The following CEP55 variants were observed in gnomAD, a reference collection of about 807,000 sequenced individuals.
CEP55 encodes centrosomal protein 55, also known as centrosomal protein of 55 kDa.
Under a neutral mutation model 63.2 loss-of-function variants are expected in CEP55, and 57 were observed. The ratio of observed to expected loss-of-function variants is 0.90; its 90% CI spans 0.73 to 1.13. The LOEUF (loss-of-function observed/expected upper bound fraction) is 1.13, where lower values mean the gene tolerates loss of function less well. Among genes scored for constraint, CEP55 ranks in the 50% most tolerant of loss-of-function variants. The pLI, the probability that CEP55 is intolerant of heterozygous loss-of-function variation, is 0.00. For synonymous variants in CEP55, 178 were observed against 191.6 expected (o/e 0.93, Z 0.59); for missense variants, 456 against 518.9 (o/e 0.88, Z 1.18).
rs575375896 is a variant in CEP55 at position 93,523,567 on chromosome 10, C to T, written c.1191+3760C>T. 5.1e-4 allele frequency among the ~76,000 whole-genome samples: 77 copies of T among 152,296 alleles called. No homozygotes were observed. The East Asian group carries it at 0.014, about 28-fold the overall frequency. On this transcript the variant is annotated intron_variant, in intron 8 of 8. Transcript: ENST00000371485. ...TTAACAAGGATATCCAGGAATTGAA[C>T]TCAGCTCTGCACCAAGCGGACCTAA... is the stretch of plus-strand genomic sequence containing the variant.
At chr10:93,523,427 A>G (rs1168704497) in intron 8 of CEP55, among the ~76,000 whole-genome samples, 1 of 152,224 alleles carries the variant, frequency 6.6e-6, no homozygotes, top group African/African-American at 2.4e-5. Flanking sequence ...AGGAGCACCC[A>G]GATTCATAAA....
intron 3 of CEP55, among the ~76,000 whole-genome samples, chr10:93,504,148 A>C (rs1239254437): frequency 1.3e-5 from 2 of 152,040 alleles, no homozygotes; most frequent in Non-Finnish European, 2.9e-5. Flanking sequence ...ATTCTTTTGG[A>C]GATTTGGAGA....
chr10:93,500,558 T>C (rs11187473), intron 2 of CEP55, among the ~76,000 whole-genome samples: 79,268 of 151,548 alleles, frequency 0.52, 22,848 homozygotes, highest in Non-Finnish European at 0.65. Context: ...TCACCTTTAG[T>C]ATGCTCTGTT....
rs2134490976 is a variant in CEP55 at position 93,519,799 on chromosome 10, G to A, written c.1183G>A (p.Glu395Lys). ...RKARNQITQL[E>K]SLKQLHEFAI... ...AGCAAGAAATCAAATAACACAGTTGGAATCCTTGGTGAGTCTGGAATGATT... is the reference window on the plus strand; with the variant it reads ...AGCAAGAAATCAAATAACACAGTTGAAATCCTTGGTGAGTCTGGAATGATT... Residue 395 changes from glutamate to lysine, a missense_variant, in exon 8 of 9, where the codon GAA becomes AAA. By Grantham distance (56) the Glu-to-Lys change is moderately conservative (BLOSUM62 1). Transcript: ENST00000371485. 1 of 1,614,076 alleles carries A rather than the reference G, an allele frequency of 6.2e-7. No individual in the cohort carries two copies. The highest frequency in any genetic ancestry group is 8.5e-7 in the Non-Finnish European group (1 of 1,180,018).
chr10:93,515,416 A>G lies in CEP55; in HGVS notation c.540A>G (p.Lys180=). The G allele has an allele frequency of 3.1e-6, 5 of 1,595,154 alleles. No individual in the cohort carries two copies. Among genetic ancestry groups the G allele is most frequent in the African/African-American group, 1.3e-5 (1 of 74,510 alleles). ...MEIQLKDALE[K]NQQWLVYDQQ... is the part of the protein sequence containing the mutation. ...ATCTTCCCATTAAGGCTCTGGAGAA[A>G]AATCAGCAGTGGCTCGTGTATGATC... The change falls in exon 5 of 9, where the codon AAA becomes AAG. Residue 180 remains lysine (K), a synonymous_variant. Coordinates refer to ENST00000371485, the MANE Select transcript of CEP55 (RefSeq NM_018131.5).
chr10:93,503,051 A>G (rs2057649937), intron 2 of CEP55, 62 bp from the exon 3 acceptor site: 3 of 1,400,310 alleles, frequency 2.1e-6, no homozygotes, highest in Non-Finnish European at 2.0e-6. Flanking sequence ...GTTGAAGTAT[A>G]TATTGTTTAG....
chr10:93,498,442 A>G (rs2057597450), intron 1 of CEP55, among the ~76,000 whole-genome samples: 1 of 152,222 alleles, frequency 6.6e-6, no homozygotes, highest in Non-Finnish European at 1.5e-5. Flanking sequence ...ATAGGAAAGA[A>G]CTTCCTGTGG....
chr10:93,528,286 G>A lies in CEP55; in HGVS notation c.*133G>A. ...ACCTTTGACACTCCAGCATGCTAGT[G>A]AATCATGTATCTTTTAGGCTGCTGT... On this transcript the variant is annotated 3_prime_UTR_variant, in exon 9 of 9. Coordinates refer to ENST00000371485, the MANE Select transcript of CEP55 (RefSeq NM_018131.5). The A allele has an allele frequency of 1.4e-6, 1 of 699,772 alleles. No homozygotes were observed. Among genetic ancestry groups the A allele is most frequent in the Non-Finnish European group, 2.5e-6 (1 of 405,908 alleles). 43.3% of individuals were successfully genotyped at this position (699,772 alleles called of 1,614,324 possible).
intron 4 of CEP55, among the ~76,000 whole-genome samples, chr10:93,512,771 G>A (rs2057766962): frequency 6.6e-6 from 1 of 152,084 alleles, no homozygotes; most frequent in Non-Finnish European, 1.5e-5. Flanking sequence ...AGATGCATAG[G>A]TTCTGAGTAA....
At chr10:93,519,423 A>C (rs2057835129) in intron 7 of CEP55, among the ~76,000 whole-genome samples, 1 of 152,196 alleles carries the variant, frequency 6.6e-6, no homozygotes, top group African/African-American at 2.4e-5. Flanking sequence ...GTGGATAGGG[A>C]GGAGTAATTC....
chr10:93,505,675 TC>T (rs1368343790), intron 3 of CEP55, among the ~76,000 whole-genome samples: 1 of 152,196 alleles, frequency 6.6e-6, no homozygotes, highest in Non-Finnish European at 1.5e-5. Flanking sequence ...TTGCCAGTAT[TC>T]ACAAGTCTCT....
At position 93,515,461 on chromosome 10, in the gene CEP55, A is replaced by T; in HGVS notation, c.585A>T (p.Val195=). ...ATGATCAGCAGCGGGAAGTCTATGT[A>T]AAAGGACTTTTAGCAAAGATCTTTG... The part of the protein sequence containing the change: ...LVYDQQREVY[V]KGLLAKIFEL... Residue 195 remains valine, a synonymous_variant, in exon 5 of 9, where the codon GTA becomes GTT. Coordinates refer to ENST00000371485, the MANE Select transcript of CEP55 (RefSeq NM_018131.5). The T allele has an allele frequency of 6.2e-7, 1 of 1,613,774 alleles. No individual in the cohort carries two copies. The highest frequency in any genetic ancestry group is 8.5e-7 in the Non-Finnish European group (1 of 1,179,692).
At chr10:93,506,785 G>A (rs1303530837) in intron 3 of CEP55, among the ~76,000 whole-genome samples, 1 of 152,162 alleles carries the variant, frequency 6.6e-6, no homozygotes, top group Non-Finnish European at 1.5e-5. Flanking sequence ...TGTTGGCCAG[G>A]CTGGTCTCAA....
At chr10:93,518,551 G>A (rs547174650) in intron 6 of CEP55, among the ~76,000 whole-genome samples, 38 of 152,306 alleles carry the variant, frequency 2.5e-4, no homozygotes, top group African/African-American at 8.2e-4. Context: ...CTTCAGCTCT[G>A]GCTAAGGGCC....
intron 3 of CEP55, among the ~76,000 whole-genome samples, chr10:93,503,755 A>G (rs1405933225): frequency 6.6e-6 from 1 of 152,170 alleles, no homozygotes; most frequent in Non-Finnish European, 1.5e-5. Flanking sequence ...TACAATTATA[A>G]TATCAAGTAT....
chr10:93,501,631 C>T (rs544062458), intron 2 of CEP55, among the ~76,000 whole-genome samples: 43 of 151,906 alleles, frequency 2.8e-4, no homozygotes, highest in African/African-American at 9.9e-4. Context: ...CGCACCACTG[C>T]ACTCCAGCCT....
intron 4 of CEP55, among the ~76,000 whole-genome samples, chr10:93,508,909 T>C (rs1230028779): frequency 6.6e-6 from 1 of 152,240 alleles, no homozygotes; most frequent in East Asian, 1.9e-4. Flanking sequence ...ACTTCTCTTG[T>C]TTAATGTTCA....
chr10:93,521,836 G>C (rs1320102578), intron 8 of CEP55, among the ~76,000 whole-genome samples: 1 of 152,160 alleles, frequency 6.6e-6, no homozygotes, highest in East Asian at 1.9e-4. Flanking sequence ...GGCAAACAGG[G>C]TCTGGAGTGG....
At chr10:93,523,329 A>G (rs922019276) in intron 8 of CEP55, among the ~76,000 whole-genome samples, 2 of 152,238 alleles carry the variant, frequency 1.3e-5, no homozygotes, top group African/African-American at 2.4e-5. Flanking sequence ...ACAAAGATCA[A>G]AACAGACAAA....
Sources: gnomAD v4.1 joint callset for allele counts (sites outside exome capture counted in the v4.1 genomes callset) on GRCh38, gnomAD v4.1.1 for gene constraint, MANE v1.5 for transcripts, NCBI Gene and HGNC (gene_info 2026-07-23, HGNC 2026-07-21) for gene names.